Variants in CFAP20DC observed in about 807,000 individuals in gnomAD.
CFAP20DC encodes the protein CFAP20 domain containing, also known as protein CFAP20DC.
CFAP20DC carries 84 observed loss-of-function variants against 101.7 expected under a neutral mutation model. The observed-to-expected ratio is 0.83, with a 90% CI of 0.69 to 0.99. CFAP20DC has a LOEUF of 0.99. Ranked by LOEUF, CFAP20DC falls within the 50% of genes least tolerant of loss-of-function variation. CFAP20DC has a pLI of 0.00. For missense variants in CFAP20DC, 1,007 were observed against 970.3 expected (o/e 1.04, Z -0.50); for synonymous variants, 359 against 351.2 (o/e 1.02, Z -0.25).
At chr3:58,910,851 G>A (rs2084080116) in intron 6 of CFAP20DC, among the ~76,000 whole-genome samples, 1 of 151,892 alleles carries the variant, frequency 6.6e-6, no homozygotes, top group Non-Finnish European at 1.5e-5. Flanking sequence ...TATTTCCTAA[G>A]TTTTGATACC....
chr3:58,742,538 T>G lies in CFAP20DC; in HGVS notation c.2367A>C (p.Glu789Asp). The G allele has an allele frequency of 1.2e-6, 2 of 1,608,286 alleles. No individual in the cohort carries two copies. Among genetic ancestry groups the G allele is most frequent in the East Asian group, 2.2e-5 (1 of 44,500 alleles). The change falls in exon 17 of 17, where the codon GAA (glutamate) becomes GAC (aspartate). Residue 789 changes from glutamate to aspartate, a missense_variant. By Grantham distance (45) the Glu-to-Asp change is conservative. Coordinates refer to ENST00000482387, the MANE Select transcript of CFAP20DC (RefSeq NM_001394063.1). The stretch of plus-strand genomic sequence containing the variant: ...AAGGGTCATACAACAAAGTCAGTAC[T>G]TCCTCGTCCTCTTCCACACTGAGGT... Reference protein sequence around the residue: ...EEDLSVEEDEEVLTLLYDPCL... With the variant: ...EEDLSVEEDEDVLTLLYDPCL...
chr3:58,861,828 G>A lies in CFAP20DC; in HGVS notation c.1593+1730C>T, dbSNP rs1454907503. ...TGGTCACCTTGATGGGCATGGCACA[G>A]GGGTGACCAGATAGCCCTGCCAGTG... On this transcript the variant is annotated intron_variant, in intron 12 of 16. Coordinates refer to ENST00000482387, the MANE Select transcript of CFAP20DC (RefSeq NM_001394063.1). The surrounding 1 kb of genome is among the most constrained non-coding windows in gnomAD (Gnocchi z 4.0). 2.0e-6 allele frequency: 2 copies of A among 985,296 alleles called. No individual in the cohort carries two copies. The highest frequency in any genetic ancestry group is 2.4e-6 in the Non-Finnish European group (2 of 829,894). 61.0% of individuals were successfully genotyped at this position (985,296 alleles called of 1,614,324 possible). A position where few individuals can be genotyped will look rare whatever the true frequency, so the allele number is the denominator to read the frequency against.
chr3:58,936,335 A>G (rs2087604205), intron 5 of CFAP20DC, among the ~76,000 whole-genome samples: 1 of 152,156 alleles, frequency 6.6e-6, no homozygotes, highest in African/African-American at 2.4e-5. Context: ...GGGACTGTAA[A>G]CTAGTTCAAC....
chr3:58,867,883 T>C lies in CFAP20DC; in HGVS notation c.1069A>G (p.Lys357Glu). ...CGTAATCTTCTTCTGTTATTATTCTTATCTGCTGATGGTTCTTGAGGGGGA... is the reference window on the plus strand; with the variant it reads ...CGTAATCTTCTTCTGTTATTATTCTCATCTGCTGATGGTTCTTGAGGGGGA... ...PHPPQEPSAD[K>E]NNNRRRLRLK... The change falls in exon 10 of 17, where the codon AAG becomes GAG. Residue 357 changes from lysine (K) to glutamate (E), a missense_variant. Lys to Glu is a moderately conservative substitution (Grantham distance 56). Transcript: ENST00000482387. The C allele has an allele frequency of 6.2e-6, 10 of 1,613,666 alleles. No homozygotes were observed. The highest frequency in any genetic ancestry group is 8.5e-6 in the Non-Finnish European group (10 of 1,179,688).
intron 14 of CFAP20DC, among the ~76,000 whole-genome samples, chr3:58,811,445 G>A (rs565000350): frequency 2.2e-4 from 34 of 152,022 alleles, no homozygotes; most frequent in African/African-American, 7.2e-5. Context: ...AGAAAAACAA[G>A]CAATGGGGAA....
chr3:58,955,187 T>C (rs2090513885), intron 4 of CFAP20DC, among the ~76,000 whole-genome samples: 2 of 151,918 alleles, frequency 1.3e-5, no homozygotes, highest in African/African-American at 4.8e-5. Flanking sequence ...CCACTGATCA[T>C]CCCCTCTGCA....
intron 15 of CFAP20DC, among the ~76,000 whole-genome samples, chr3:58,761,240 A>G (rs2069558119): frequency 6.6e-6 from 1 of 152,114 alleles, no homozygotes; most frequent in Non-Finnish European, 1.5e-5. Flanking sequence ...TCAGAGATTC[A>G]ACTTCTTCCT....
chr3:58,903,026 A>C (rs1215065603), intron 6 of CFAP20DC, among the ~76,000 whole-genome samples: 2 of 152,080 alleles, frequency 1.3e-5, no homozygotes, highest in South Asian at 2.1e-4. Context: ...TTTTCTCTCT[A>C]TATATTCATA....
At chr3:59,039,254 C>G (rs570418695) in intron 4 of CFAP20DC, among the ~76,000 whole-genome samples, 5 of 152,082 alleles carry the variant, frequency 3.3e-5, no homozygotes, top group African/African-American at 1.2e-4. Context: ...TCATTCAAAC[C>G]AAAATCTCAA....
chr3:58,742,635 G>T, intron 16 of CFAP20DC, 63 bp from the exon 17 acceptor site: 1 of 1,234,808 alleles, frequency 8.1e-7, no homozygotes, highest in Non-Finnish European at 1.2e-6. Flanking sequence ...CCCAAACAAG[G>T]GCAACGAAGC....
chr3:58,937,549 C>T, intron 5 of CFAP20DC, 99 bp downstream of exon 5: 1 of 752,710 alleles, frequency 1.3e-6, no homozygotes, highest in Non-Finnish European at 2.3e-6. Flanking sequence ...TTTATACCAC[C>T]ATCGTACTTA....
At chr3:58,811,623 A>G (rs1178302372) in intron 14 of CFAP20DC, among the ~76,000 whole-genome samples, 1 of 152,146 alleles carries the variant, frequency 6.6e-6, no homozygotes, top group Non-Finnish European at 1.5e-5. Context: ...CCTAGGCATT[A>G]CCATTCAGGA....
At position 58,722,105 on chromosome 3, in the gene CFAP20DC, GGA is replaced by G. The variant is rs1225113701; in HGVS notation, c.198-4479_198-4478del. On this transcript the variant is annotated intron_variant, in intron 3 of 3. Coordinates refer to the CFAP20DC transcript ENST00000486145. The surrounding 1 kb of genome is among the most constrained non-coding windows in gnomAD (Gnocchi z 4.5). ...CTCTTGGGAGCCAGCTGCCATTCTG[GGA>G]GAGAGTCAAGCCATGTGGAGAGGCC... Among the ~76,000 whole-genome samples the G allele has an allele frequency of 1.3e-5, 2 of 152,186 alleles. No homozygotes were observed.
At chr3:59,029,184 T>A (rs1017205667) in intron 4 of CFAP20DC, among the ~76,000 whole-genome samples, 3 of 152,146 alleles carry the variant, frequency 2.0e-5, no homozygotes, top group Non-Finnish European at 4.4e-5. Context: ...CGTATGTCCG[T>A]ATTTCAGAGC....
At chr3:59,025,838 TTTC>T (rs1345864682) in intron 4 of CFAP20DC, among the ~76,000 whole-genome samples, 1 of 152,062 alleles carries the variant, frequency 6.6e-6, no homozygotes, top group Non-Finnish European at 1.5e-5. Context: ...ATGTGCATTT[TTTC>T]TTTTCTTTTC....
At chr3:58,845,631 C>T (rs1047473029) in intron 13 of CFAP20DC, among the ~76,000 whole-genome samples, 1 of 152,202 alleles carries the variant, frequency 6.6e-6, no homozygotes, top group South Asian at 2.1e-4. Context: ...CCAATCAATA[C>T]AAAAAGAGGG....
chr3:58,879,752 G>A (rs1235071005), intron 7 of CFAP20DC, among the ~76,000 whole-genome samples: 1 of 151,920 alleles, frequency 6.6e-6, no homozygotes, highest in Admixed American at 6.6e-5. Flanking sequence ...GGTTGGTGGA[G>A]GGCATTGATT....
chr3:58,748,095 T>C (rs2068327496), intron 16 of CFAP20DC, among the ~76,000 whole-genome samples: 1 of 152,122 alleles, frequency 6.6e-6, no homozygotes, highest in Non-Finnish European at 1.5e-5. Context: ...AATTAGGAAT[T>C]ATTACAATTT....
chr3:58,862,808 A>G (rs2079359596), intron 12 of CFAP20DC: 1 of 984,996 alleles, frequency 1.0e-6, no homozygotes, highest in African/African-American at 1.7e-5. Context: ...ATTTTTCCAG[A>G]AAGTATGAAT....
Sources: allele counts gnomAD v4.1 joint callset (sites outside exome capture counted in the v4.1 genomes callset), GRCh38; gene constraint gnomAD v4.1.1; non-coding constraint Gnocchi (gnomAD v3.1); transcripts MANE v1.5; gene names NCBI Gene and HGNC (gene_info 2026-07-23, HGNC 2026-07-21).